SLC30A8: variants seen among roughly 807,000 people sequenced by gnomAD.
SLC30A8 encodes proton-coupled zinc antiporter SLC30A8.
SLC30A8 carries 27 observed loss-of-function variants against 36.9 expected under a neutral mutation model. The observed-to-expected ratio is 0.73, with a 90% CI of 0.54 to 1.01. SLC30A8 has a LOEUF of 1.01. Ranked by LOEUF, SLC30A8 falls within the 50% of genes least tolerant of loss-of-function variation. The probability of loss-of-function intolerance (pLI) is 0.00; values close to 1 mark genes in which losing one functional copy is unlikely to be tolerated. For synonymous variants in SLC30A8, 164 were observed against 172.4 expected, an observed-to-expected ratio of 0.95 and a Z score of 0.38; for missense variants, 439 against 452.0, an observed-to-expected ratio of 0.97 and a Z score of 0.26.
intron 1 of SLC30A8, among the ~76,000 whole-genome samples, chr8:117,145,839 T>A (rs1035479876): frequency 1.3e-5 from 2 of 152,140 alleles, no homozygotes; most frequent in African/African-American, 4.8e-5. Context: ...AATATGGGGT[T>A]GCAGTTAAGT....
intron 1 of SLC30A8, among the ~76,000 whole-genome samples, chr8:117,009,554 C>A (rs1320300423): frequency 1.3e-5 from 2 of 152,130 alleles, no homozygotes; most frequent in East Asian, 1.9e-4. Context: ...ATTAACAAAT[C>A]CCCAGTGACC....
At chr8:117,117,310 AAGAC>A (rs1820485216) in intron 2 of SLC30A8, among the ~76,000 whole-genome samples, 1 of 152,026 alleles carries the variant, frequency 6.6e-6, no homozygotes, top group Non-Finnish European at 1.5e-5. Flanking sequence ...AACAAAAAAA[AAGAC>A]AGTTATGGTA....
intron 2 of SLC30A8, among the ~76,000 whole-genome samples, chr8:117,099,330 A>T (rs866701746): frequency 9.9e-5 from 15 of 152,256 alleles, no homozygotes; most frequent in Non-Finnish European, 1.3e-4. Context: ...CTCACGTCTC[A>T]GCTACAATGT....
At chr8:116,996,992 G>A (rs1032084087) in intron 1 of SLC30A8, among the ~76,000 whole-genome samples, 10 of 139,934 alleles carry the variant, frequency 7.1e-5, no homozygotes, top group Non-Finnish European at 1.6e-4. Flanking sequence ...TTTTTTTTTT[G>A]AGACGGAGTT....
chr8:117,124,647 A>AG (rs1679621429), intron 2 of SLC30A8, among the ~76,000 whole-genome samples: 1 of 126,392 alleles, frequency 7.9e-6, no homozygotes, highest in African/African-American at 3.5e-5. Flanking sequence ...CCTTGTATCC[A>AG]GAAAAAAAAA....
At chr8:117,081,142 G>C (rs1036096007) in intron 2 of SLC30A8, among the ~76,000 whole-genome samples, 3 of 152,148 alleles carry the variant, frequency 2.0e-5, no homozygotes, top group African/African-American at 7.2e-5. Context: ...ACTCAGGCAG[G>C]TAATGAGTGA....
chr8:117,068,126 T>C (rs1818223372), intron 2 of SLC30A8, among the ~76,000 whole-genome samples: 1 of 152,172 alleles, frequency 6.6e-6, no homozygotes. Context: ...TTCATGATCA[T>C]TAGAGTGATT....
intron 1 of SLC30A8, among the ~76,000 whole-genome samples, chr8:116,982,830 G>A (rs554371353): frequency 6.6e-6 from 1 of 152,172 alleles, no homozygotes; most frequent in Non-Finnish European, 1.5e-5. Flanking sequence ...ATGCTCCCTG[G>A]AGAACCTGCA....
At chr8:117,089,610 T>G (rs1819023819) in intron 2 of SLC30A8, among the ~76,000 whole-genome samples, 1 of 152,178 alleles carries the variant, frequency 6.6e-6, no homozygotes. Flanking sequence ...ACAATCTGGA[T>G]TATGGCAAGG....
upstream of SLC30A8, among the ~76,000 whole-genome samples, chr8:117,132,979 A>G (rs1490768880): frequency 6.6e-6 from 1 of 152,040 alleles, no homozygotes; most frequent in Non-Finnish European, 1.5e-5. Flanking sequence ...CTTCAAGAGT[A>G]ACTTTTGGGA....
At chr8:117,086,539 T>C (rs1166230933) in intron 2 of SLC30A8, among the ~76,000 whole-genome samples, 3 of 152,184 alleles carry the variant, frequency 2.0e-5, no homozygotes, top group African/African-American at 2.4e-5. Flanking sequence ...CATCTGTGAA[T>C]TGGCTGAGGT....
intron 2 of SLC30A8, among the ~76,000 whole-genome samples, chr8:117,053,610 G>A (rs1206200923): frequency 6.6e-6 from 1 of 152,170 alleles, no homozygotes; most frequent in Non-Finnish European, 1.5e-5. Context: ...AATGGGGACA[G>A]TGAGGCTCTG....
intron 2 of SLC30A8, among the ~76,000 whole-genome samples, chr8:117,127,298 A>G (rs1820946544): frequency 6.6e-6 from 1 of 152,056 alleles, no homozygotes; most frequent in African/African-American, 2.4e-5. Flanking sequence ...TAATGTTTTA[A>G]CTTACTTTTT....
chr8:117,085,145 A>G (rs922789781), intron 2 of SLC30A8, among the ~76,000 whole-genome samples: 3 of 152,170 alleles, frequency 2.0e-5, no homozygotes, highest in African/African-American at 4.8e-5. Context: ...AGAAAAAACT[A>G]TAACTTCTAT....
intron 2 of SLC30A8, among the ~76,000 whole-genome samples, chr8:117,114,422 G>T (rs762726395): frequency 3.9e-5 from 6 of 152,000 alleles, no homozygotes; most frequent in African/African-American, 9.7e-5. Flanking sequence ...CAACAATTTG[G>T]TGATGAAAGA....
At chr8:117,116,583 T>A (rs750665336) in intron 2 of SLC30A8, among the ~76,000 whole-genome samples, 1 of 151,986 alleles carries the variant, frequency 6.6e-6, no homozygotes, top group Non-Finnish European at 1.5e-5. Context: ...GGGTACTAAT[T>A]TCAGGTGTGT....
intron 1 of SLC30A8, among the ~76,000 whole-genome samples, chr8:117,002,604 G>A (rs1306726246): frequency 1.3e-5 from 2 of 151,838 alleles, no homozygotes; most frequent in African/African-American, 4.8e-5. Flanking sequence ...TGTTTGTTTT[G>A]TTTTTGTTTT....
In SLC30A8 at chr8:117,115,511, A is replaced by T. The variant is rs188215091; in HGVS notation, c.-225-19769A>T. Among the ~76,000 whole-genome samples the T allele has an allele frequency of 4.6e-5, 7 of 152,196 alleles. No homozygotes were observed. The East Asian group carries it at 1.4e-3, about 30-fold the overall frequency. ...GCTAGCAGCAGTAGGTATTCTCTTT[A>T]CAATCATTCTTTCATTGTTATAATT... is the stretch of plus-strand genomic sequence containing the variant. On this transcript the variant is annotated intron_variant, in intron 2 of 10. Transcript: ENST00000427715.
chr8:117,136,099 T>G (rs951130983), intron 1 of SLC30A8, among the ~76,000 whole-genome samples: 2 of 152,004 alleles, frequency 1.3e-5, no homozygotes, highest in Admixed American at 6.6e-5. Flanking sequence ...AACAGTGTAT[T>G]TGTGTCATAT....
Sources: gnomAD v4.1 joint callset for allele counts (sites outside exome capture counted in the v4.1 genomes callset) on GRCh38, gnomAD v4.1.1 for gene constraint, MANE v1.5 for transcripts, NCBI Gene and HGNC (gene_info 2026-07-23, HGNC 2026-07-21) for gene names.